ZRANB3: variants seen among roughly 807,000 people sequenced by gnomAD.
The protein encoded by ZRANB3 is DNA annealing helicase and endonuclease ZRANB3.
Under a neutral mutation model 133.8 loss-of-function variants are expected in ZRANB3, and 125 were observed. The observed-to-expected ratio is 0.93, with a 90% CI of 0.81 to 1.08. The LOEUF (loss-of-function observed/expected upper bound fraction) is 1.08, where lower values mean the gene tolerates loss of function less well. ZRANB3 is among the 50% of genes least tolerant of loss of function. ZRANB3 has a pLI of 0.00. For synonymous variants in ZRANB3, 387 were observed against 432.7 expected, an observed-to-expected ratio of 0.89 and a Z score of 1.31; for missense variants, 1,229 against 1,275.5, an observed-to-expected ratio of 0.96 and a Z score of 0.56.
At position 135,364,406 on chromosome 2, in the gene ZRANB3, A is replaced by G. The variant is rs1573980109; in HGVS notation, c.181-10778T>C. On this transcript the variant is annotated intron_variant, in intron 3 of 20. Transcript: ENST00000264159. ...ATTACAATTCCAAGGCAGTATAAAC[A>G]TAGTGCTTTCTACCCTGCTATATAG... is the stretch of plus-strand genomic sequence containing the variant. Among the ~76,000 whole-genome samples the G allele has an allele frequency of 2.0e-5, 3 of 152,328 alleles. No homozygotes were observed. In the South Asian group the frequency reaches 6.2e-4, roughly 32 times the overall value.
chr2:135,365,027 C>T (rs76031916), intron 3 of ZRANB3, among the ~76,000 whole-genome samples: 1 of 146,442 alleles, frequency 6.8e-6, no homozygotes. Flanking sequence ...CCAGCCTGGG[C>T]AACAGAGACT....
At chr2:135,286,656 C>T (rs1230432486) in intron 8 of ZRANB3, among the ~76,000 whole-genome samples, 2 of 152,104 alleles carry the variant, frequency 1.3e-5, no homozygotes, top group Non-Finnish European at 2.9e-5. Context: ...TTTGCATTTC[C>T]CTGATAATAC....
intron 2 of ZRANB3, among the ~76,000 whole-genome samples, chr2:135,471,123 C>T (rs1691250726): frequency 6.6e-6 from 1 of 150,392 alleles, no homozygotes; most frequent in Non-Finnish European, 1.5e-5. Flanking sequence ...TTTTTTCAAC[C>T]AGAAAGATAT....
At chr2:135,447,032 C>A (rs1435592284) in intron 2 of ZRANB3, among the ~76,000 whole-genome samples, 1 of 151,704 alleles carries the variant, frequency 6.6e-6, no homozygotes. Context: ...CTTGTTTCAA[C>A]CCTTTTTATT....
chr2:135,212,686 T>C (rs1694144933), intron 17 of ZRANB3, among the ~76,000 whole-genome samples: 1 of 152,160 alleles, frequency 6.6e-6, no homozygotes, highest in South Asian at 2.1e-4. Flanking sequence ...TAAATCCCAA[T>C]TTTAGTAAAT....
intron 17 of ZRANB3, among the ~76,000 whole-genome samples, chr2:135,216,492 C>G (rs1452370303): frequency 6.6e-6 from 1 of 152,098 alleles, no homozygotes; most frequent in Non-Finnish European, 1.5e-5. Context: ...CAGGCTGGAG[C>G]ACAGTGGTAC....
chr2:135,371,904 G>A (rs1199266674), intron 3 of ZRANB3, among the ~76,000 whole-genome samples: 1 of 152,098 alleles, frequency 6.6e-6, no homozygotes, highest in Non-Finnish European at 1.5e-5. Context: ...GCCCACGCAC[G>A]GTGGCTCACA....
intron 8 of ZRANB3, among the ~76,000 whole-genome samples, chr2:135,282,098 CAGTT>C (rs1681123649): frequency 6.6e-6 from 1 of 152,162 alleles, no homozygotes; most frequent in Non-Finnish European, 1.5e-5. Flanking sequence ...ATTTACCCAT[CAGTT>C]GATATACTCT....
intron 17 of ZRANB3, among the ~76,000 whole-genome samples, chr2:135,212,126 G>A (rs1331670896): frequency 6.6e-6 from 1 of 152,180 alleles, no homozygotes; most frequent in Admixed American, 6.5e-5. Context: ...CTTTTCACAT[G>A]TTTGCACTCT....
chr2:135,307,211 G>A (rs933787383), intron 8 of ZRANB3, among the ~76,000 whole-genome samples: 8 of 152,040 alleles, frequency 5.3e-5, no homozygotes, highest in African/African-American at 1.2e-4. Flanking sequence ...GACCACAGAC[G>A]TGTACCATCA....
chr2:135,349,977 G>T lies in ZRANB3; in HGVS notation c.591+7C>A. On this transcript the variant is annotated splice_region_variant and intron_variant, in intron 5 of 20. Transcript: ENST00000264159. ...CTTTTAAGTTCGAAGTATAAGGATT[G>T]TAATACCTCTTCAGGCCTTCCTAAA... The T allele has an allele frequency of 6.2e-7, 1 of 1,611,624 alleles. No homozygotes were observed. The highest frequency in any genetic ancestry group is 8.5e-7 in the Non-Finnish European group (1 of 1,178,556).
Position 135,314,141 on chromosome 2 carries a change from G to C in ZRANB3, c.850-536C>G, listed in dbSNP as rs1047740320. On this transcript the variant is annotated intron_variant, in intron 7 of 20. Transcript: ENST00000264159. Reference sequence around the variant, plus strand: ...GACCTCCCAAAGTGCTGGGACTACAGGCGTGAGCCACCGCACCCTGGCCTA... The same window carrying C: ...GACCTCCCAAAGTGCTGGGACTACACGCGTGAGCCACCGCACCCTGGCCTA... 2.0e-5 allele frequency among the ~76,000 whole-genome samples: 3 copies of C among 152,294 alleles called. No homozygotes were observed. In the East Asian group the frequency reaches 5.8e-4, roughly 29 times the overall value.
chr2:135,281,908 T>C (rs1460317918), intron 8 of ZRANB3, among the ~76,000 whole-genome samples: 1 of 152,198 alleles, frequency 6.6e-6, no homozygotes, highest in Non-Finnish European at 1.5e-5. Flanking sequence ...TAACTTTCTG[T>C]CTCTATGGAT....
chr2:135,486,422 A>G (rs1414363262), intron 2 of ZRANB3, among the ~76,000 whole-genome samples: 1 of 152,184 alleles, frequency 6.6e-6, no homozygotes, highest in African/African-American at 2.4e-5. Context: ...GTTTTAATGC[A>G]AGATTGCAAC....
chr2:135,441,049 G>GA (rs1052015733), intron 2 of ZRANB3, among the ~76,000 whole-genome samples: 27 of 150,276 alleles, frequency 1.8e-4, no homozygotes, highest in African/African-American at 4.9e-4. Flanking sequence ...GAAAGGGGCA[G>GA]AAAAAAAAAT....
intron 6 of ZRANB3, among the ~76,000 whole-genome samples, chr2:135,324,637 G>A (rs1159484126): frequency 6.6e-6 from 1 of 152,152 alleles, no homozygotes; most frequent in East Asian, 1.9e-4. Context: ...TCTAGTTCTA[G>A]ATCCTTGAGG....
intron 1 of ZRANB3, among the ~76,000 whole-genome samples, chr2:135,523,765 G>T (rs1451342912): frequency 6.6e-6 from 1 of 152,176 alleles, no homozygotes; most frequent in South Asian, 2.1e-4. Flanking sequence ...CCAGCCTATA[G>T]TCTTGATTAT....
At chr2:135,369,292 C>T (rs1686067450) in intron 3 of ZRANB3, among the ~76,000 whole-genome samples, 1 of 151,702 alleles carries the variant, frequency 6.6e-6, no homozygotes, top group African/African-American at 2.4e-5. Flanking sequence ...ATCTCATTTC[C>T]TATGGGCTTA....
At chr2:135,389,184 G>A (rs1687112943) in intron 3 of ZRANB3, among the ~76,000 whole-genome samples, 1 of 152,156 alleles carries the variant, frequency 6.6e-6, no homozygotes, top group South Asian at 2.1e-4. Context: ...AAATGTCTAT[G>A]TCTTGTTTCT....
Sources: gnomAD v4.1 joint callset for allele counts (sites outside exome capture counted in the v4.1 genomes callset) on GRCh38, gnomAD v4.1.1 for gene constraint, MANE v1.5 for transcripts, NCBI Gene and HGNC (gene_info 2026-07-23, HGNC 2026-07-21) for gene names.